Variants in MEIS2 observed in about 807,000 individuals in gnomAD.
MEIS2 encodes the protein Meis homeobox 2.
Under a neutral mutation model 58.6 loss-of-function variants are expected in MEIS2, and 9 were observed. That is an observed-to-expected ratio of 0.15 (90% CI 0.09 to 0.27). MEIS2 has a LOEUF of 0.27. Among genes scored for constraint, MEIS2 ranks in the 10% least tolerant of loss-of-function variants. The pLI, the probability that MEIS2 is intolerant of heterozygous loss-of-function variation, is 1.00. For missense variants in MEIS2, 427 were observed against 635.0 expected, an observed-to-expected ratio of 0.67 and a Z score of 3.52; for synonymous variants, 221 against 228.4, an observed-to-expected ratio of 0.97 and a Z score of 0.29.
intron 8 of MEIS2, among the ~76,000 whole-genome samples, chr15:37,016,251 A>C (rs1257668161): frequency 6.6e-6 from 1 of 152,180 alleles, no homozygotes; most frequent in Non-Finnish European, 1.5e-5. Context: ...CTCCCATGGC[A>C]AACTAAGCTG....
chr15:37,080,435 T>C (rs1009829678), intron 7 of MEIS2, among the ~76,000 whole-genome samples: 1 of 152,060 alleles, frequency 6.6e-6, no homozygotes, highest in Admixed American at 6.6e-5. Context: ...CACAAACCCA[T>C]CAATAATAAT....
rs183794273 is a variant in MEIS2, at chr15:37,032,638, G to C, written c.900+4176C>G. Among the ~76,000 whole-genome samples, 344 of 152,278 alleles carry C rather than the reference G, an allele frequency of 2.3e-3. 1 individual carries two copies. Among genetic ancestry groups the C allele is most frequent in the Non-Finnish European group, 3.6e-3 (242 of 68,034 alleles). On this transcript the variant is annotated intron_variant, in intron 8 of 11. Transcript: ENST00000561208. ...CAATCATCACTGGATTTCTTAGCTT[G>C]AGAAGTTAGGCAGTGCCATCAACCA...
chr15:36,950,497 T>A, intron 8 of MEIS2, 97 bp from the exon 9 acceptor site: 1 of 1,165,274 alleles, frequency 8.6e-7, no homozygotes, highest in Non-Finnish European at 1.3e-6. Context: ...TTCTTTAGTC[T>A]ATGGCTTGAT....
At chr15:36,909,122 C>T (rs2056882154) in intron 9 of MEIS2, among the ~76,000 whole-genome samples, 1 of 152,138 alleles carries the variant, frequency 6.6e-6, no homozygotes, top group African/African-American at 2.4e-5. Flanking sequence ...CTGGGCTGGG[C>T]TTTCTGCTAT....
At chr15:37,078,192 G>A (rs1313893699) in intron 7 of MEIS2, among the ~76,000 whole-genome samples, 3 of 151,962 alleles carry the variant, frequency 2.0e-5, no homozygotes, top group African/African-American at 7.3e-5. Flanking sequence ...GAAAGATCAT[G>A]GCTGACAGTG....
chr15:37,095,899 G>A, intron 3 of MEIS2: 1 of 512,026 alleles, frequency 2.0e-6, no homozygotes, highest in Non-Finnish European at 3.5e-6. Context: ...AAGAGGCTGT[G>A]GCTCTCCACT....
intron 9 of MEIS2, chr15:36,897,933 A>T (rs765557916): frequency 6.6e-6 from 1 of 152,228 alleles, no homozygotes; most frequent in African/African-American, 2.4e-5. Context: ...AGGAAGCTGA[A>T]GTCCCTTTGG....
intron 11 of MEIS2, 137 bp downstream of exon 11, chr15:36,895,014 T>A: frequency 1.1e-6 from 1 of 917,316 alleles, no homozygotes; most frequent in East Asian, 2.4e-5. Flanking sequence ...CCCCACCCAA[T>A]GTAAAGAAAG....
chr15:36,916,610 T>C (rs1463377684), intron 9 of MEIS2, among the ~76,000 whole-genome samples: 1 of 151,870 alleles, frequency 6.6e-6, no homozygotes, highest in Non-Finnish European at 1.5e-5. Flanking sequence ...TTTTAAATTT[T>C]TTTGTAGAGA....
intron 8 of MEIS2, among the ~76,000 whole-genome samples, chr15:36,959,200 A>T (rs2059097186): frequency 6.6e-6 from 1 of 152,184 alleles, no homozygotes; most frequent in Non-Finnish European, 1.5e-5. Context: ...TTTCACACAC[A>T]TGATCTCAGA....
chr15:37,036,594 C>T (rs1399343077), intron 8 of MEIS2: 2 of 440,202 alleles, frequency 4.5e-6, no homozygotes, highest in Non-Finnish European at 4.0e-6. Flanking sequence ...AAATAAAGTC[C>T]ATTCCCAGCT....
intron 9 of MEIS2, among the ~76,000 whole-genome samples, chr15:36,942,241 A>G (rs1387424958): frequency 6.6e-6 from 1 of 152,220 alleles, no homozygotes; most frequent in Non-Finnish European, 1.5e-5. Flanking sequence ...AACTGGAAAC[A>G]AGGTTTTCTA....
intron 7 of MEIS2, among the ~76,000 whole-genome samples, chr15:37,043,446 T>C (rs2062519087): frequency 1.3e-5 from 2 of 152,174 alleles, no homozygotes; most frequent in African/African-American, 4.8e-5. Flanking sequence ...GGTATACTTA[T>C]GAATATAAAG....
At chr15:37,011,089 T>C (rs941794079) in intron 8 of MEIS2, among the ~76,000 whole-genome samples, 1 of 152,248 alleles carries the variant, frequency 6.6e-6, no homozygotes, top group Non-Finnish European at 1.5e-5. Flanking sequence ...TGAAATGTCA[T>C]GTAGTCTATA....
At chr15:36,927,657 G>T (rs186541544) in intron 9 of MEIS2, among the ~76,000 whole-genome samples, 15 of 152,120 alleles carry the variant, frequency 9.9e-5, no homozygotes, top group African/African-American at 3.6e-4. Context: ...CAGTCGGAGG[G>T]ATGAGAAAAC....
chr15:36,983,103 T>C (rs1223307487), intron 8 of MEIS2, among the ~76,000 whole-genome samples: 1 of 152,154 alleles, frequency 6.6e-6, no homozygotes, highest in East Asian at 1.9e-4. Flanking sequence ...AGGCTGTATA[T>C]TCACTCTGTT....
chr15:37,062,533 T>C (rs1286762530), intron 7 of MEIS2, among the ~76,000 whole-genome samples: 1 of 152,238 alleles, frequency 6.6e-6, no homozygotes, highest in Admixed American at 6.5e-5. Flanking sequence ...ACAACTTTAC[T>C]GTCTTCTTGC....
At chr15:36,924,359 G>A (rs1373458173) in intron 9 of MEIS2, among the ~76,000 whole-genome samples, 2 of 152,112 alleles carry the variant, frequency 1.3e-5, no homozygotes, top group African/African-American at 4.8e-5. Context: ...CTGAGATCGC[G>A]GTCATGAACA....
chr15:37,093,575 A>G lies in MEIS2; in HGVS notation c.639+6T>C, dbSNP rs1893820903. On this transcript the variant is annotated splice_donor_region_variant and intron_variant, in intron 6 of 11. Coordinates refer to ENST00000561208, the MANE Select transcript of MEIS2 (RefSeq NM_170675.5). The stretch of plus-strand genomic sequence containing the variant: ...TTAAAAGATTGCTAAAGGCTAGCAG[A>G]CTTACATGGTCAGCGAGATTTGTGG... The G allele has an allele frequency of 6.2e-7, 1 of 1,614,076 alleles. No homozygotes were observed. Among genetic ancestry groups the G allele is most frequent in the Non-Finnish European group, 8.5e-7 (1 of 1,179,922 alleles).
Sources: allele counts gnomAD v4.1 joint callset (sites outside exome capture counted in the v4.1 genomes callset), GRCh38; gene constraint gnomAD v4.1.1; transcripts MANE v1.5; gene names NCBI Gene and HGNC (gene_info 2026-07-23, HGNC 2026-07-21).